Variants in ZNF567 observed in about 807,000 individuals in gnomAD.
ZNF567 encodes zinc finger protein 567.
Under a neutral mutation model 53.9 loss-of-function variants are expected in ZNF567, and 36 were observed. The ratio of observed to expected loss-of-function variants is 0.67; its 90% CI spans 0.51 to 0.88. The LOEUF (loss-of-function observed/expected upper bound fraction) is 0.88. Among genes scored for constraint, ZNF567 ranks in the 40% least tolerant of loss-of-function variants. The pLI is 0.00. For synonymous variants in ZNF567, 224 were observed against 260.4 expected, an observed-to-expected ratio of 0.86 and a Z score of 1.35; for missense variants, 619 against 764.7, an observed-to-expected ratio of 0.81 and a Z score of 2.25.
chr19:36,686,737 A>G (rs1257905817), upstream of ZNF567: 1 of 152,202 alleles, frequency 6.6e-6, no homozygotes, highest in Non-Finnish European at 1.5e-5. Context: ...CTGTTTGCAG[A>G]TTTTATTCCA....
chr19:36,692,720 G>A (rs1483386599), intron 2 of ZNF567, among the ~76,000 whole-genome samples: 1 of 152,170 alleles, frequency 6.6e-6, no homozygotes, highest in Non-Finnish European at 1.5e-5. Flanking sequence ...TATGGAAGAT[G>A]TGACCATTGT....
chr19:36,668,586 A>C, the ZNF567 span: 3 of 152,190 alleles, frequency 2.0e-5, no homozygotes, highest in African/African-American at 7.2e-5. Context: ...GGCGTCCTGA[A>C]CCTTAGATGT....
At chr19:36,675,102 C>A in the ZNF567 span, among the ~76,000 whole-genome samples, 2 of 152,100 alleles carry the variant, frequency 1.3e-5, no homozygotes, top group Non-Finnish European at 2.9e-5. Flanking sequence ...TAATAAAATG[C>A]CTTAAACATA....
chr19:36,705,518 A>C (rs1251673761), intron 3 of ZNF567, among the ~76,000 whole-genome samples: 2 of 152,148 alleles, frequency 1.3e-5, no homozygotes, highest in Non-Finnish European at 2.9e-5. Context: ...TTCTAGTTTA[A>C]TTCTGTTTCA....
upstream of ZNF567, among the ~76,000 whole-genome samples, chr19:36,687,059 A>T (rs1179988848): frequency 6.6e-6 from 1 of 152,176 alleles, no homozygotes; most frequent in East Asian, 1.9e-4. Flanking sequence ...CAGACCCCTC[A>T]GTCCCAACAT....
chr19:36,718,812 T>C (rs1285275463), intron 5 of ZNF567, 136 bp from the exon 6 acceptor site: 3 of 607,342 alleles, frequency 4.9e-6, no homozygotes, highest in Non-Finnish European at 8.2e-6. Flanking sequence ...TAGGTTCCCC[T>C]CCCCGCACCC....
chr19:36,684,729 ATT>A (rs1224208993), upstream of ZNF567, among the ~76,000 whole-genome samples: 1 of 152,156 alleles, frequency 6.6e-6, no homozygotes, highest in African/African-American at 2.4e-5. Context: ...AAGAAATGGA[ATT>A]TTGGTCTGAT....
intron 3 of ZNF567, among the ~76,000 whole-genome samples, chr19:36,706,763 C>T (rs539990411): frequency 6.7e-6 from 1 of 148,952 alleles, no homozygotes; most frequent in East Asian, 2.0e-4. Context: ...TCCAGCAATC[C>T]TCCCACCGTA....
intron 3 of ZNF567, among the ~76,000 whole-genome samples, chr19:36,704,285 G>A (rs1465273685): frequency 2.6e-5 from 4 of 152,110 alleles, no homozygotes; most frequent in African/African-American, 9.7e-5. Flanking sequence ...TTATCTGGAT[G>A]TGGTGGGCGC....
At chr19:36,669,464 A>G in the ZNF567 span, 1 of 152,244 alleles carries the variant, frequency 6.6e-6, no homozygotes. Flanking sequence ...ACCCATGGAT[A>G]CGTTACAGTG....
downstream of ZNF567, among the ~76,000 whole-genome samples, chr19:36,726,514 G>A (rs1430528717): frequency 1.3e-5 from 2 of 152,098 alleles, no homozygotes; most frequent in African/African-American, 2.4e-5. Context: ...TCCTCCTCAC[G>A]GTTAGGTGTG....
the ZNF567 span, among the ~76,000 whole-genome samples, chr19:36,667,189 A>G: frequency 6.6e-6 from 1 of 152,098 alleles, no homozygotes; most frequent in African/African-American, 2.4e-5. Context: ...GAGAAGGTGG[A>G]TATGAACTGA....
At chr19:36,688,636 T>A (rs376027791) in intron 1 of ZNF567, among the ~76,000 whole-genome samples, 1 of 149,846 alleles carries the variant, frequency 6.7e-6, no homozygotes, top group Non-Finnish European at 1.5e-5. Context: ...TGAAACCCCG[T>A]CTCTACTAAA....
chr19:36,721,732 C>CTTTTTT (rs756276834), downstream of ZNF567, among the ~76,000 whole-genome samples: 1 of 121,650 alleles, frequency 8.2e-6, no homozygotes, highest in Admixed American at 1.0e-4. Context: ...GTACCAGAGT[C>CTTTTTT]TTTTTTTTTT....
At chr19:36,684,735 G>T (rs566703566), upstream of ZNF567, among the ~76,000 whole-genome samples, 90 of 152,228 alleles carry the variant, frequency 5.9e-4, no homozygotes, top group Non-Finnish European at 1.0e-3. Flanking sequence ...TGGAATTTTG[G>T]TCTGATGTGG....
chr19:36,711,002 G>T (rs2039754543), intron 3 of ZNF567, among the ~76,000 whole-genome samples: 1 of 152,096 alleles, frequency 6.6e-6, no homozygotes, highest in South Asian at 2.1e-4. Flanking sequence ...TTTATGCTCA[G>T]ATTTTCATTT....
chr19:36,701,542 A>G (rs886237446), intron 3 of ZNF567, among the ~76,000 whole-genome samples: 12 of 152,050 alleles, frequency 7.9e-5, no homozygotes, highest in African/African-American at 2.9e-4. Flanking sequence ...CTCTCCCATT[A>G]TTATTGTGTG....
chr19:36,719,085 G>C lies in ZNF567; in HGVS notation c.361G>C (p.Gly121Arg), dbSNP rs1568715962. The change falls in exon 6 of 6, where the codon GGC becomes CGC. Residue 121 changes from glycine (G) to arginine (R), a missense_variant. By Grantham distance (125) the Gly-to-Arg change is moderately radical. Transcript: ENST00000682579. ...SKIYEKTFTL[G>R]KNPVNSKNLP... ...AATATATGAAAAGACATTTACTCTA[G>C]GCAAAAACCCTGTGAATTCAAAAAA... 6.2e-7 allele frequency: 1 copy of C among 1,612,384 alleles called. No homozygotes were observed. The highest frequency in any genetic ancestry group is 1.3e-5 in the African/African-American group (1 of 74,934).
intron 5 of ZNF567, among the ~76,000 whole-genome samples, chr19:36,716,291 C>T (rs2040062359): frequency 6.6e-6 from 1 of 152,096 alleles, no homozygotes; most frequent in African/African-American, 2.4e-5. Flanking sequence ...AGATACTTTT[C>T]ATTGTGTTGT....
Sources: allele counts gnomAD v4.1 joint callset (sites outside exome capture counted in the v4.1 genomes callset), GRCh38; gene constraint gnomAD v4.1.1; transcripts MANE v1.5; gene names NCBI Gene and HGNC (gene_info 2026-07-23, HGNC 2026-07-21).